RNF141: variants seen among roughly 807,000 people sequenced by gnomAD.
RNF141 encodes the protein ring finger protein 141, also known as C3HC4-like zinc finger protein.
In RNF141, 18 loss-of-function variants were observed where a neutral mutation model predicts 27.4. That is an observed-to-expected ratio of 0.66 (90% CI 0.45 to 0.97). The LOEUF (loss-of-function observed/expected upper bound fraction) is 0.97. RNF141 is among the 50% of genes least tolerant of loss of function. The probability of loss-of-function intolerance (pLI) is 0.00; values close to 1 mark genes in which losing one functional copy is unlikely to be tolerated. For missense variants in RNF141, 230 were observed against 279.4 expected, an observed-to-expected ratio of 0.82 and a Z score of 1.26; for synonymous variants, 97 against 96.6, an observed-to-expected ratio of 1.00 and a Z score of -0.02.
At chr11:10,518,557 A>T (rs189774798) in intron 5 of RNF141, 7 of 152,978 alleles carry the variant, frequency 4.6e-5, no homozygotes, top group Admixed American at 4.6e-4. Context: ...ATATGCCAAA[A>T]CATATTAAAC....
intron 4 of RNF141, among the ~76,000 whole-genome samples, chr11:10,520,257 CTT>C (rs143643622): frequency 0.29 from 44,127 of 152,010 alleles, 6,745 homozygotes; most frequent in Middle Eastern, 0.37. Context: ...CTTTTTGACT[CTT>C]TTTGTAACAA....
rs560046255 is a variant in RNF141 at position 10,530,694 on chromosome 11, C to A, written c.201G>T (p.Gly67=). 517 of 1,611,566 alleles carry A rather than the reference C, an allele frequency of 3.2e-4. 4 individuals are homozygous for A. The South Asian group carries it at 5.5e-3, about 17-fold the overall frequency. ...CTTTCCAAAAAGCAGAGGAATCAGA[C>A]CCAGGTTGTACCTCAAAGAGAAGAT... ...EKHLLFEVQP[G]SDSSAFWKVV... Residue 67 remains glycine (G), a synonymous_variant, in exon 3 of 6, where the codon GGG becomes GGT. Coordinates refer to ENST00000265981, the MANE Select transcript of RNF141 (RefSeq NM_016422.4).
chr11:10,519,219 T>C, intron 4 of RNF141, 78 bp from the exon 5 acceptor site: 1 of 1,253,426 alleles, frequency 8.0e-7, no homozygotes, highest in Non-Finnish European at 1.1e-6. Context: ...TTAAAAAGCA[T>C]TATTAAACAT....
At chr11:10,522,749 A>G (rs1037634684) in intron 4 of RNF141, among the ~76,000 whole-genome samples, 1 of 152,232 alleles carries the variant, frequency 6.6e-6, no homozygotes, top group Non-Finnish European at 1.5e-5. Flanking sequence ...AATAATAATG[A>G]CAGTTAACTC....
In RNF141 at chr11:10,530,759, G is replaced by T. The variant is rs775463310; in HGVS notation, c.144-8C>A. On this transcript the variant is annotated splice_region_variant and splice_polypyrimidine_tract_variant and intron_variant, in intron 2 of 5. Transcript: ENST00000265981. ...GAAGCCACTTTAGCCGTTCTGAAAA[G>T]AGACAAGAACATGTTAATTTTATGA... is the stretch of plus-strand genomic sequence containing the variant. 5.8e-6 allele frequency: 9 copies of T among 1,558,750 alleles called. No individual in the cohort carries two copies. Among genetic ancestry groups the T allele is most frequent in the Non-Finnish European group, 7.9e-6 (9 of 1,138,096 alleles).
chr11:10,536,658 CAG>C (rs964104321), intron 1 of RNF141, among the ~76,000 whole-genome samples: 9 of 152,086 alleles, frequency 5.9e-5, no homozygotes, highest in East Asian at 1.9e-4. Flanking sequence ...TTTAAACAAA[CAG>C]AGTTTGTTGC....
At chr11:10,526,884 T>G (rs930324152) in intron 3 of RNF141, among the ~76,000 whole-genome samples, 24 of 152,148 alleles carry the variant, frequency 1.6e-4, no homozygotes, top group Admixed American at 3.9e-4. Context: ...AAAATCTATC[T>G]GGAGATGCAA....
At chr11:10,535,048 A>C (rs927310306) in intron 1 of RNF141, among the ~76,000 whole-genome samples, 2 of 149,370 alleles carry the variant, frequency 1.3e-5, no homozygotes, top group African/African-American at 2.5e-5. Context: ...AAATGCCCCC[A>C]AAATCAGATG....
At chr11:10,522,627 G>A (rs1412417095) in intron 4 of RNF141, among the ~76,000 whole-genome samples, 2 of 152,184 alleles carry the variant, frequency 1.3e-5, no homozygotes, top group East Asian at 3.8e-4. Context: ...AAGGTTCAGT[G>A]AGAATTTGAT....
chr11:10,540,957 C>T (rs2133980527), intron 1 of RNF141, 165 bp downstream of exon 1: 1 of 152,394 alleles, frequency 6.6e-6, no homozygotes, highest in South Asian at 2.1e-4. Flanking sequence ...CCCCAGCCGT[C>T]CCCACGCCCC....
Position 10,519,096 on chromosome 11 carries a change from A to G in RNF141, c.480T>C (p.Asp160=). The G allele has an allele frequency of 6.2e-7, 1 of 1,614,046 alleles. No homozygotes were observed. The highest frequency in any genetic ancestry group is 1.3e-5 in the African/African-American group (1 of 75,034). Residue 160 remains aspartate (D), a synonymous_variant, in exon 5 of 6, where the codon GAT becomes GAC. Transcript: ENST00000265981. ...AAGGCAGGATGAGGTCAGCCCGCCC[A>G]TCCATACAGATACAACACTCCTCCT... ...TDEEECCICM[D]GRADLILPCA... is the part of the protein sequence containing the mutation.
intron 4 of RNF141, among the ~76,000 whole-genome samples, chr11:10,521,732 C>T (rs1436096094): frequency 1.3e-5 from 2 of 152,120 alleles, no homozygotes; most frequent in African/African-American, 4.8e-5. Flanking sequence ...TAATAGAAGA[C>T]ATTCTAGGTG....
At chr11:10,533,251 C>T (rs374591437) in intron 2 of RNF141, among the ~76,000 whole-genome samples, 26 of 152,204 alleles carry the variant, frequency 1.7e-4, no homozygotes, top group African/African-American at 5.5e-4. Flanking sequence ...GGTCTGGGGG[C>T]ATTCAGGAAC....
chr11:10,535,186 A>T (rs1335574104), intron 1 of RNF141, among the ~76,000 whole-genome samples: 2 of 151,942 alleles, frequency 1.3e-5, no homozygotes, highest in Non-Finnish European at 2.9e-5. Context: ...TGGTAGGAAG[A>T]TTGCTTTATC....
chr11:10,527,008 G>A (rs1178609039), intron 3 of RNF141, among the ~76,000 whole-genome samples: 3 of 152,174 alleles, frequency 2.0e-5, no homozygotes, highest in Non-Finnish European at 2.9e-5. Flanking sequence ...CTGAGGAAAC[G>A]GGTAGTCCTT....
chr11:10,533,540 AGT>A (rs1491262577), intron 2 of RNF141, among the ~76,000 whole-genome samples: 1 of 121,570 alleles, frequency 8.2e-6, no homozygotes, highest in Non-Finnish European at 1.8e-5. Context: ...AGTAAAAAAA[AGT>A]ATATATATAT....
At chr11:10,535,202 T>C (rs780376152) in intron 1 of RNF141, among the ~76,000 whole-genome samples, 6 of 151,846 alleles carry the variant, frequency 4.0e-5, no homozygotes, top group Non-Finnish European at 8.8e-5. Flanking sequence ...TTATCATTAA[T>C]CAAAAAATAA....
In RNF141 at chr11:10,541,160, G is replaced by A. The variant is rs1243594873; in HGVS notation, c.-86C>T. On this transcript the variant is annotated 5_prime_UTR_variant, in exon 1 of 6. Coordinates refer to ENST00000265981, the MANE Select transcript of RNF141 (RefSeq NM_016422.4). ...CATCGCGCACCCTGCGGCAGCGGCT[G>A]CGCTGCCTCAGCCCACAGCTCAGAC... 6.6e-6 allele frequency: 1 copy of A among 152,360 alleles called. No homozygotes were observed. The highest frequency in any genetic ancestry group is 1.5e-5 in the Non-Finnish European group (1 of 68,180). 9.4% of individuals were successfully genotyped at this position (152,360 alleles called of 1,614,324 possible). A position where few individuals can be genotyped will look rare whatever the true frequency, so the allele number is the denominator to read the frequency against.
Position 10,525,457 on chromosome 11 carries a change from C to T in RNF141, c.253-84G>A, listed in dbSNP as rs560040367. 8.7e-6 allele frequency: 9 copies of T among 1,035,576 alleles called. No homozygotes were observed. In the East Asian group the frequency reaches 2.3e-4, roughly 26 times the overall value. 64.1% of individuals were successfully genotyped at this position (1,035,576 alleles called of 1,614,324 possible). ...CAAAAAGGGGGAACAAATATTTAGT[C>T]AAACATCCTAGGAAATAGGAGTTTT... On this transcript the variant is annotated intron_variant, in intron 3 of 5. Coordinates refer to ENST00000265981, the MANE Select transcript of RNF141 (RefSeq NM_016422.4).
Sources: allele counts gnomAD v4.1 joint callset (sites outside exome capture counted in the v4.1 genomes callset), GRCh38; gene constraint gnomAD v4.1.1; transcripts MANE v1.5; gene names NCBI Gene and HGNC (gene_info 2026-07-23, HGNC 2026-07-21).